LETM2: variants seen among roughly 807,000 people sequenced by gnomAD.
LETM2 encodes the protein leucine zipper and EF-hand containing transmembrane protein 2.
In LETM2, 58 loss-of-function variants were observed where a neutral mutation model predicts 59.6. The observed-to-expected ratio is 0.97, with a 90% CI of 0.79 to 1.21. The LOEUF is 1.21. Ranked by LOEUF, LETM2 falls within the 50% of genes most tolerant of loss-of-function variation. The probability of loss-of-function intolerance (pLI) is 0.00; values close to 1 mark genes in which losing one functional copy is unlikely to be tolerated. For missense variants in LETM2, 572 were observed against 575.7 expected (o/e 0.99, Z 0.07); for synonymous variants, 199 against 214.1 (o/e 0.93, Z 0.62).
intron 2 of LETM2, among the ~76,000 whole-genome samples, chr8:38,391,181 C>CAAAAAAAAAAAAAAAAAA (rs552521178): frequency 1.9e-5 from 1 of 52,000 alleles, no homozygotes; most frequent in Non-Finnish European, 3.5e-5. Context: ...CCTCCTGTCT[C>CAAAAAAAAAAAAAAAAAA]AAAAAAAAAA....
chr8:38,395,704 T>C (rs766218255), intron 4 of LETM2, among the ~76,000 whole-genome samples: 4 of 152,038 alleles, frequency 2.6e-5, no homozygotes, highest in Non-Finnish European at 5.9e-5. Flanking sequence ...TTAGTAGAGA[T>C]AGGGTTTCAC....
Position 38,400,404 on chromosome 8 carries a change from A to G in LETM2, c.778A>G (p.Lys260Glu). 1 of 1,572,352 alleles carries G rather than the reference A, an allele frequency of 6.4e-7. No homozygotes were observed. Among genetic ancestry groups the G allele is most frequent in the Non-Finnish European group, 8.6e-7 (1 of 1,162,204 alleles). ...DASTQLSSYVKQVQTGHKPST... is the reference protein window; with the variant it reads ...DASTQLSSYVEQVQTGHKPST... ...CTCTACACAGCTCTCATCCTACGTG[A>G]AGCAGGTGTCCATCTTTTATGTAAT... is the stretch of plus-strand genomic sequence containing the variant. Residue 260 changes from lysine to glutamate, a missense_variant, in exon 5 of 11, where the codon AAG becomes GAG. Physicochemically the swap from Lys to Glu is moderately conservative, Grantham distance 56 (BLOSUM62 1). Coordinates refer to ENST00000379957, the MANE Select transcript of LETM2 (RefSeq NM_001286819.2).
Position 38,400,314 on chromosome 8 carries a change from G to A in LETM2, c.688G>A (p.Ala230Thr). 1.2e-6 allele frequency: 2 copies of A among 1,613,454 alleles called. No homozygotes were observed. The highest frequency in any genetic ancestry group is 8.5e-7 in the Non-Finnish European group (1 of 1,179,678). Reference sequence around the variant, plus strand: ...GAAAATGGCTGTAAAGTTGGAACTAGCAAAATTTCTTCAAGAAACCATGAC... The same window carrying A: ...GAAAATGGCTGTAAAGTTGGAACTAACAAAATTTCTTCAAGAAACCATGAC... ...KKKMAVKLEL[A>T]KFLQETMTEM... is the part of the protein sequence containing the mutation. Residue 230 changes from alanine (A) to threonine (T), a missense_variant, in exon 5 of 11, where the codon GCA becomes ACA. Ala to Thr is a moderately conservative substitution (Grantham distance 58, BLOSUM62 0). Transcript: ENST00000379957.
intron 4 of LETM2, among the ~76,000 whole-genome samples, chr8:38,394,695 A>T (rs2150422812): frequency 6.6e-6 from 1 of 152,042 alleles, no homozygotes; most frequent in East Asian, 1.9e-4. Context: ...TGCAAAAATT[A>T]GTTGGGCATG....
intron 8 of LETM2, 148 bp from the exon 9 acceptor site, chr8:38,406,798 G>C (rs1359516203): frequency 1.1e-5 from 6 of 555,016 alleles, no homozygotes; most frequent in Non-Finnish European, 1.6e-5. Flanking sequence ...ATATTTCATA[G>C]GTTACTCATA....
intron 4 of LETM2, among the ~76,000 whole-genome samples, chr8:38,398,146 A>AG (rs1812840246): frequency 6.6e-6 from 1 of 152,106 alleles, no homozygotes; most frequent in African/African-American, 2.4e-5. Flanking sequence ...GTCTTAAAAA[A>AG]AAAAAAAAAG....
rs371060178 is a variant in LETM2, at chr8:38,408,202, T to C, written c.1414-10T>C. ...GACTAATGCCTACAGTCCTTGTTTTTTACGCCTAGACACTCCAGGCCAAAT... is the reference window on the plus strand; with the variant it reads ...GACTAATGCCTACAGTCCTTGTTTTCTACGCCTAGACACTCCAGGCCAAAT... On this transcript the variant is annotated splice_polypyrimidine_tract_variant and intron_variant, in intron 10 of 10. Transcript: ENST00000379957. The C allele has an allele frequency of 1.2e-6, 2 of 1,611,034 alleles. No individual in the cohort carries two copies. Among genetic ancestry groups the C allele is most frequent in the African/African-American group, 2.7e-5 (2 of 74,918 alleles).
At position 38,394,149 on chromosome 8, in the gene LETM2, T is replaced by C; in HGVS notation, c.553T>C (p.Leu185=). The C allele has an allele frequency of 6.6e-7, 1 of 1,515,626 alleles. No individual in the cohort carries two copies. The highest frequency in any genetic ancestry group is 8.8e-7 in the Non-Finnish European group (1 of 1,138,482). The allele number at this position is 1,515,626 out of a possible 1,614,324, so 93.9% of individuals were successfully genotyped here. The change falls in exon 4 of 11, where the codon TTA becomes CTA. Residue 185 remains leucine (L), a synonymous_variant. Transcript: ENST00000379957. ...CCGCCTGGTTCCATTTATGGTGTTC[T>C]TAATTGTACCCTTCATGGAATTCTT... ...FFRLVPFMVF[L]IVPFMEFLLP...
intron 8 of LETM2, 134 bp from the exon 9 acceptor site, chr8:38,406,812 G>A (rs1398814760): frequency 1.7e-6 from 1 of 598,136 alleles, no homozygotes; most frequent in East Asian, 2.7e-5. Flanking sequence ...ACTCATAAAG[G>A]GTGTAGCTAG....
intron 1 of LETM2, chr8:38,387,115 G>C (rs1811832198): frequency 6.6e-6 from 1 of 152,260 alleles, no homozygotes; most frequent in Non-Finnish European, 1.5e-5. Context: ...GGGAGCGCCC[G>C]GGCCCGAGCG....
Position 38,400,865 on chromosome 8 carries a change from C to T in LETM2, c.796C>T (p.His266Tyr). 6.2e-7 allele frequency: 1 copy of T among 1,614,096 alleles called. No individual in the cohort carries two copies. The highest frequency in any genetic ancestry group is 8.5e-7 in the Non-Finnish European group (1 of 1,180,008). ...SSYVKQVQTG[H>Y]KPSTKEIVRF... ...TCCCACTGCATAGGTCCAGACAGGC[C>T]ACAAGCCCAGCACAAAGGAGATAGT... is the stretch of plus-strand genomic sequence containing the variant. Residue 266 changes from histidine to tyrosine, a missense_variant, in exon 6 of 11, where the codon CAC becomes TAC. Coordinates refer to ENST00000379957, the MANE Select transcript of LETM2 (RefSeq NM_001286819.2).
chr8:38,398,356 C>T (rs961541015), intron 4 of LETM2, among the ~76,000 whole-genome samples: 1 of 152,162 alleles, frequency 6.6e-6, no homozygotes, highest in Non-Finnish European at 1.5e-5. Flanking sequence ...TACCTCTTTC[C>T]TGAACACCAC....
In LETM2 at chr8:38,391,406, G is replaced by A. The variant is rs182056014; in HGVS notation, c.48-1136G>A. 8.9e-3 allele frequency among the ~76,000 whole-genome samples: 1,307 copies of A among 147,424 alleles called. 20 individuals are homozygous for A. The highest frequency in any genetic ancestry group is 0.031 in the African/African-American group (1,259 of 40,126). On this transcript the variant is annotated intron_variant, in intron 2 of 10. Transcript: ENST00000379957. ...CAACCTCTGCCTCCCAGGTTCAAGT[G>A]ATTCTCCTGCCTCAGCCTCCCGAGT...
chr8:38,407,337 C>G (rs747454133), intron 9 of LETM2, 25 bp from the exon 10 acceptor site: 1 of 1,512,520 alleles, frequency 6.6e-7, no homozygotes, highest in African/African-American at 1.4e-5. Context: ...AATCAGTAAC[C>G]CAACTCTCAG....
intron 7 of LETM2, 136 bp from the exon 8 acceptor site, chr8:38,404,257 G>A (rs1328972737): frequency 6.3e-6 from 4 of 632,648 alleles, no homozygotes; most frequent in South Asian, 1.9e-5. Context: ...GTGTTCTGCC[G>A]TGACTCATCA....
At position 38,392,665 on chromosome 8, in the gene LETM2, G is replaced by A. The variant is rs769062698; in HGVS notation, c.171G>A (p.Ser57=). The A allele has an allele frequency of 7.4e-6, 12 of 1,613,910 alleles. No individual in the cohort carries two copies. Among genetic ancestry groups the A allele is most frequent in the African/African-American group, 6.7e-5 (5 of 74,864 alleles). Residue 57 remains serine, a synonymous_variant, in exon 3 of 11, where the codon TCG becomes TCA. Coordinates refer to ENST00000379957, the MANE Select transcript of LETM2 (RefSeq NM_001286819.2). ...CMKNYESKKY[S]DPSQPGNTVL... is the part of the protein sequence containing the mutation. ...AGAACTATGAGAGCAAGAAGTACTC[G>A]GATCCTAGTCAGCCAGGCAATACAG...
chr8:38,389,506 C>T (rs553185063), intron 2 of LETM2, among the ~76,000 whole-genome samples: 62 of 152,264 alleles, frequency 4.1e-4, no homozygotes, highest in African/African-American at 1.4e-3. Flanking sequence ...GCGTGAGCCA[C>T]CGTGCCCGGC....
chr8:38,398,181 C>T (rs945924822), intron 4 of LETM2, among the ~76,000 whole-genome samples: 34 of 150,670 alleles, frequency 2.3e-4, no homozygotes, highest in Non-Finnish European at 1.0e-4. Flanking sequence ...ATTCGGGATA[C>T]CTTCACAGGA....
At chr8:38,401,188 C>G in intron 6 of LETM2, 135 bp downstream of exon 6, 1 of 712,572 alleles carries the variant, frequency 1.4e-6, no homozygotes, top group Non-Finnish European at 2.3e-6. Context: ...GTCACCCAGG[C>G]TGCAGTGGCG....
Sources: allele counts gnomAD v4.1 joint callset (sites outside exome capture counted in the v4.1 genomes callset), GRCh38; gene constraint gnomAD v4.1.1; transcripts MANE v1.5; gene names NCBI Gene and HGNC (gene_info 2026-07-23, HGNC 2026-07-21).